Variants in OR14A2 observed in about 807,000 individuals in gnomAD.
The protein encoded by OR14A2 is olfactory receptor 14A2.
For missense variants in OR14A2, 237 were observed against 152.9 expected (o/e 1.55, Z -2.90); for synonymous variants, 114 against 58.6 (o/e 1.95, Z -4.32).
chr1:247,739,353 A>C, the OR14A2 span: 82 of 780,604 alleles, frequency 1.1e-4, no homozygotes, highest in South Asian at 1.0e-3. Flanking sequence ...CATTGTTGTC[A>C]CTGTGTTTCT....
chr1:247,740,737 C>A, the OR14A2 span, among the ~76,000 whole-genome samples: 74 of 152,184 alleles, frequency 4.9e-4, no homozygotes, highest in African/African-American at 1.7e-3. Flanking sequence ...GTCGTATCAC[C>A]CTATTTGTCC....
the OR14A2 span, chr1:247,738,683 G>A: frequency 1.3e-6 from 1 of 780,792 alleles, no homozygotes; most frequent in Non-Finnish European, 2.4e-6. Context: ...TGCTCCTGAG[G>A]CTGCATGCTT....
At chr1:247,723,073 T>C (rs1572467774), downstream of OR14A2, 7 of 688,846 alleles carry the variant, frequency 1.0e-5, no homozygotes, top group African/African-American at 5.3e-5. Context: ...TGTAAGGCAC[T>C]GTATCACTGA....
chr1:247,740,237 T>C, the OR14A2 span, among the ~76,000 whole-genome samples: 1 of 152,246 alleles, frequency 6.6e-6, no homozygotes, highest in Non-Finnish European at 1.5e-5. Context: ...AGTTAGTTTC[T>C]GCTTTATTGT....
At chr1:247,728,306 G>T (rs1660435092), upstream of OR14A2, among the ~76,000 whole-genome samples, 1 of 152,016 alleles carries the variant, frequency 6.6e-6, no homozygotes, top group Admixed American at 6.6e-5. Context: ...CATATAAACA[G>T]AGCCAAAGAC....
upstream of OR14A2, among the ~76,000 whole-genome samples, chr1:247,727,107 C>T (rs377668074): frequency 2.1e-3 from 316 of 149,856 alleles, 1 homozygote; most frequent in African/African-American, 7.2e-3. Context: ...GCATTGAATC[C>T]GTAAATTACC....
chr1:247,742,084 T>C, the OR14A2 span, among the ~76,000 whole-genome samples: 4 of 152,236 alleles, frequency 2.6e-5, no homozygotes, highest in Admixed American at 1.3e-4. Context: ...AAAATGTGTA[T>C]TGCACTTTTG....
the OR14A2 span, among the ~76,000 whole-genome samples, chr1:247,743,669 G>A: frequency 6.6e-6 from 1 of 152,032 alleles, no homozygotes; most frequent in Non-Finnish European, 1.5e-5. Flanking sequence ...GCCTCTTCAA[G>A]TTTCTTCATT....
chr1:247,739,145 C>T, the OR14A2 span: 14 of 780,750 alleles, frequency 1.8e-5, no homozygotes, highest in East Asian at 4.8e-5. Flanking sequence ...AGTTCTTCTG[C>T]GATGTCCCTG....
At chr1:247,739,474 T>C in the OR14A2 span, 1 of 780,862 alleles carries the variant, frequency 1.3e-6, no homozygotes, top group Admixed American at 1.7e-5. Flanking sequence ...AACCCTGTTA[T>C]CTACTGTCTG....
chr1:247,735,351 T>G, the OR14A2 span, among the ~76,000 whole-genome samples: 7 of 152,240 alleles, frequency 4.6e-5, no homozygotes, highest in South Asian at 1.5e-3. Flanking sequence ...ATTTAAAGAG[T>G]CTGTGTACAC....
exon 1 of OR14A2, chr1:247,723,492 C>T (rs1343638717): frequency 2.8e-6 from 2 of 717,694 alleles, no homozygotes; most frequent in Non-Finnish European, 5.2e-6. Flanking sequence ...AACAGGAAAT[C>T]CTTAGTAATG....
At chr1:247,747,625 G>C in the OR14A2 span, among the ~76,000 whole-genome samples, 1 of 152,084 alleles carries the variant, frequency 6.6e-6, no homozygotes, top group African/African-American at 2.4e-5. Flanking sequence ...GCCTCCCAAA[G>C]TGCTGGGATT....
chr1:247,735,491 A>G, the OR14A2 span, among the ~76,000 whole-genome samples: 2 of 152,196 alleles, frequency 1.3e-5, no homozygotes, highest in Admixed American at 1.3e-4. Context: ...CACTGGAGGA[A>G]AAGGTGTGGC....
At chr1:247,732,561 C>T in the OR14A2 span, among the ~76,000 whole-genome samples, 7,016 of 152,242 alleles carry the variant, frequency 0.046, 428 homozygotes, top group African/African-American at 0.14. Flanking sequence ...CAAAACCGAG[C>T]ATGGCCTTAC....
the OR14A2 span, among the ~76,000 whole-genome samples, chr1:247,741,309 A>T: frequency 6.6e-6 from 1 of 152,196 alleles, no homozygotes; most frequent in Non-Finnish European, 1.5e-5. Flanking sequence ...AAACTCTTTG[A>T]TTTACTCTTA....
chr1:247,728,586 G>A (rs2103206548), upstream of OR14A2, among the ~76,000 whole-genome samples: 1 of 152,102 alleles, frequency 6.6e-6, no homozygotes, highest in South Asian at 2.1e-4. Context: ...CATTTAGGCA[G>A]GAGAAGGAAA....
At chr1:247,744,453 A>ATAT in the OR14A2 span, among the ~76,000 whole-genome samples, 24,755 of 151,980 alleles carry the variant, frequency 0.16, 3,781 homozygotes, top group African/African-American at 0.41. This position sits in a 1 kb window ranked among gnomAD's most constrained non-coding sequence, Gnocchi z 4.3. Flanking sequence ...ACTTGGATAA[A>ATAT]TATTATCTAA....
At chr1:247,741,527 T>C in the OR14A2 span, among the ~76,000 whole-genome samples, 1 of 152,218 alleles carries the variant, frequency 6.6e-6, no homozygotes, top group Non-Finnish European at 1.5e-5. Context: ...AAAAAGTGTG[T>C]TTGAGAACTG....
Sources: gnomAD v4.1 joint callset for allele counts (sites outside exome capture counted in the v4.1 genomes callset) on GRCh38, gnomAD v4.1.1 for gene constraint, Gnocchi (gnomAD v3.1) non-coding constraint, MANE v1.5 for transcripts, NCBI Gene and HGNC (gene_info 2026-07-23, HGNC 2026-07-21) for gene names.